Variants in AKR1C8 observed in about 807,000 individuals in gnomAD.
AKR1C8 encodes the protein aldo-keto reductase family 1 member C8.
At chr10:5,161,704 A>G in the AKR1C8 span, 2 of 533,736 alleles carry the variant, frequency 3.7e-6, no homozygotes, top group African/African-American at 3.9e-5. Flanking sequence ...ATTGTGAAAG[A>G]TACTCACGAA....
chr10:5,162,095 C>T, the AKR1C8 span: 1 of 400,276 alleles, frequency 2.5e-6, no homozygotes, highest in Non-Finnish European at 5.0e-6. Flanking sequence ...GCTAAAAGAG[C>T]TGGGACTAAA....
chr10:5,160,700 C>A, the AKR1C8 span: 1 of 402,370 alleles, frequency 2.5e-6, no homozygotes, highest in African/African-American at 2.1e-5. Context: ...CAGAGAAGCT[C>A]CACATCTGAG....
At chr10:5,174,251 G>A in the AKR1C8 span, among the ~76,000 whole-genome samples, 2 of 144,238 alleles carry the variant, frequency 1.4e-5, no homozygotes, top group East Asian at 2.0e-4. Flanking sequence ...TGTCTATAGA[G>A]TCATATATAT....
the AKR1C8 span, among the ~76,000 whole-genome samples, chr10:5,136,683 T>C: frequency 6.6e-6 from 1 of 152,308 alleles, no homozygotes; most frequent in South Asian, 2.1e-4. Flanking sequence ...AATTTCCACA[T>C]CAAAAGGACA....
chr10:5,142,478 G>A, the AKR1C8 span, among the ~76,000 whole-genome samples: 1 of 152,106 alleles, frequency 6.6e-6, no homozygotes, highest in African/African-American at 2.4e-5. Context: ...TCCTCAATAA[G>A]CTTAATCATG....
the AKR1C8 span, chr10:5,132,579 C>G: frequency 9.3e-6 from 14 of 1,510,380 alleles, no homozygotes; most frequent in Non-Finnish European, 1.3e-5. Context: ...CATGTGCATG[C>G]ATGCTTATCA....
chr10:5,153,381 G>A, the AKR1C8 span, among the ~76,000 whole-genome samples: 1 of 152,102 alleles, frequency 6.6e-6, no homozygotes, highest in South Asian at 2.1e-4. Flanking sequence ...ATAGTTGCTT[G>A]CTTGGAAAAA....
chr10:5,128,191 A>G, the AKR1C8 span, among the ~76,000 whole-genome samples: 1 of 152,164 alleles, frequency 6.6e-6, no homozygotes, highest in African/African-American at 2.4e-5. Flanking sequence ...ATATTTCATA[A>G]TTGAAGGAGA....
the AKR1C8 span, among the ~76,000 whole-genome samples, chr10:5,181,774 T>C: frequency 1.3e-5 from 2 of 152,224 alleles, no homozygotes; most frequent in African/African-American, 4.8e-5. Context: ...CAAATTACTT[T>C]GTCAATCATA....
the AKR1C8 span, chr10:5,154,130 T>C: frequency 7.0e-5 from 33 of 469,192 alleles, no homozygotes; most frequent in Non-Finnish European, 1.4e-4. Context: ...TAATGTTCAA[T>C]AGCTCATGGT....
the AKR1C8 span, among the ~76,000 whole-genome samples, chr10:5,128,558 A>G: frequency 6.6e-6 from 1 of 152,120 alleles, no homozygotes; most frequent in African/African-American, 2.4e-5. Flanking sequence ...ACACATAAAG[A>G]TTTGGATAAG....
chr10:5,123,093 C>G, the AKR1C8 span, among the ~76,000 whole-genome samples: 1,211 of 152,272 alleles, frequency 8.0e-3, 55 homozygotes, highest in East Asian at 0.011. Context: ...TCCTAATTCT[C>G]TCCACCCATG....
At chr10:5,123,927 C>G in the AKR1C8 span, 3 of 1,155,698 alleles carry the variant, frequency 2.6e-6, no homozygotes, top group South Asian at 5.5e-5. Context: ...TGTGTAGCAT[C>G]AAATTTGAAC....
the AKR1C8 span, among the ~76,000 whole-genome samples, chr10:5,140,373 A>C: frequency 6.6e-6 from 1 of 152,168 alleles, no homozygotes; most frequent in Non-Finnish European, 1.5e-5. Flanking sequence ...CACTATTCAC[A>C]ATAGCAAAGA....
the AKR1C8 span, among the ~76,000 whole-genome samples, chr10:5,118,092 A>C: frequency 6.6e-6 from 1 of 152,188 alleles, no homozygotes; most frequent in Non-Finnish European, 1.5e-5. Context: ...CCAAAGTATA[A>C]AAATTCATAT....
the AKR1C8 span, among the ~76,000 whole-genome samples, chr10:5,120,015 A>T: frequency 6.6e-6 from 1 of 152,130 alleles, no homozygotes; most frequent in Non-Finnish European, 1.5e-5. Flanking sequence ...GCACTGTGAC[A>T]TGCTCATGAT....
At chr10:5,122,561 A>G in the AKR1C8 span, among the ~76,000 whole-genome samples, 1 of 152,272 alleles carries the variant, frequency 6.6e-6, no homozygotes, top group East Asian at 1.9e-4. Flanking sequence ...CCAGCCTTAG[A>G]CTGAGCAACC....
At chr10:5,185,117 T>C in the AKR1C8 span, 78 of 534,650 alleles carry the variant, frequency 1.5e-4, no homozygotes, top group Middle Eastern at 3.2e-4. Context: ...CCAGCTAACC[T>C]GTCTTTCCTC....
chr10:5,134,713 G>A, the AKR1C8 span, among the ~76,000 whole-genome samples: 16 of 152,090 alleles, frequency 1.1e-4, no homozygotes, highest in African/African-American at 3.1e-4. Context: ...CATACACCCC[G>A]TCTCCAGACA....
Sources: gnomAD v4.1 joint callset for allele counts (sites outside exome capture counted in the v4.1 genomes callset) on GRCh38, gnomAD v4.1.1 for gene constraint, MANE v1.5 for transcripts, NCBI Gene and HGNC (gene_info 2026-07-23, HGNC 2026-07-21) for gene names.